SLC20A2: variants seen among roughly 807,000 people sequenced by gnomAD.
SLC20A2 encodes solute carrier family 20 member 2, also known as sodium-dependent phosphate transporter 2.
A neutral mutation model predicts 61.0 loss-of-function variants in SLC20A2; 30 were observed. The observed-to-expected ratio is 0.49, with a 90% CI of 0.37 to 0.67. SLC20A2 has a LOEUF of 0.67. Among genes scored for constraint, SLC20A2 ranks in the 30% least tolerant of loss-of-function variants. The pLI is 0.00. For synonymous variants in SLC20A2, 351 were observed against 353.3 expected, an observed-to-expected ratio of 0.99 and a Z score of 0.07; for missense variants, 626 against 866.4, an observed-to-expected ratio of 0.72 and a Z score of 3.48.
At chr8:42,489,563 G>A (rs544519167) in intron 1 of SLC20A2, among the ~76,000 whole-genome samples, 43 of 152,062 alleles carry the variant, frequency 2.8e-4, no homozygotes, top group South Asian at 2.1e-4. Flanking sequence ...CCACTTCCCA[G>A]AGGCCTGCAG....
rs902586407 is a variant in SLC20A2, at chr8:42,522,690, G to A, written c.-265+19131C>T. Among the ~76,000 whole-genome samples, 21 of 75,626 alleles carry A rather than the reference G, an allele frequency of 2.8e-4. 8 individuals are homozygous for A. Among genetic ancestry groups the A allele is most frequent in the Middle Eastern group, 7.9e-3 (1 of 126 alleles). The allele number at this position is 75,626 out of a possible 152,430, so 49.6% of individuals were successfully genotyped here. On this transcript the variant is annotated intron_variant, in intron 1 of 10. Transcript: ENST00000342228. ...AGCAGGACTCCATCTCAAAAAAAAAGGTATTATTGTAGCAAAAAGGTTTCT... is the reference window on the plus strand; with the variant it reads ...AGCAGGACTCCATCTCAAAAAAAAAAGTATTATTGTAGCAAAAAGGTTTCT...
chr8:42,448,148 C>T (rs1281031703), intron 5 of SLC20A2, among the ~76,000 whole-genome samples: 1 of 152,226 alleles, frequency 6.6e-6, no homozygotes, highest in Non-Finnish European at 1.5e-5. Flanking sequence ...ACGCCAACAC[C>T]GATCCCACGC....
intron 10 of SLC20A2, among the ~76,000 whole-genome samples, chr8:42,418,456 A>G (rs1421208593): frequency 6.6e-6 from 1 of 151,948 alleles, no homozygotes; most frequent in Non-Finnish European, 1.5e-5. Flanking sequence ...GTGCAATCTC[A>G]GCTCACTGCA....
chr8:42,540,267 G>A (rs1480442833), intron 1 of SLC20A2, among the ~76,000 whole-genome samples: 2 of 152,160 alleles, frequency 1.3e-5, no homozygotes, highest in Admixed American at 6.6e-5. Flanking sequence ...ACTCCAGCCT[G>A]AACGAGAGCA....
intron 1 of SLC20A2, among the ~76,000 whole-genome samples, chr8:42,481,040 C>G (rs997022540): frequency 6.6e-6 from 1 of 152,144 alleles, no homozygotes; most frequent in African/African-American, 2.4e-5. Flanking sequence ...CTTCCTTATC[C>G]TTCTCTTGAG....
At chr8:42,443,095 G>A (rs573564111) in intron 6 of SLC20A2, among the ~76,000 whole-genome samples, 38 of 149,102 alleles carry the variant, frequency 2.5e-4, no homozygotes, top group Non-Finnish European at 3.6e-4. Context: ...TTATTGCTTC[G>A]TTTTATTATA....
At chr8:42,460,924 T>C (rs145296803) in intron 4 of SLC20A2, among the ~76,000 whole-genome samples, 3 of 151,986 alleles carry the variant, frequency 2.0e-5, no homozygotes, top group Non-Finnish European at 4.4e-5. Flanking sequence ...AAAAGGAAAA[T>C]TAGGTCTAAA....
chr8:42,476,867 G>A (rs1808152878), intron 1 of SLC20A2, among the ~76,000 whole-genome samples: 1 of 152,190 alleles, frequency 6.6e-6, no homozygotes, highest in South Asian at 2.1e-4. Context: ...TGCAGTCGGG[G>A]ACTCTAGGTC....
intron 3 of SLC20A2, among the ~76,000 whole-genome samples, chr8:42,465,473 C>A (rs1474396334): frequency 5.3e-5 from 8 of 151,782 alleles, no homozygotes. Context: ...GCAGGCCGAT[C>A]ATGAGGTCAA....
At chr8:42,540,018 G>T (rs142254051) in intron 1 of SLC20A2, among the ~76,000 whole-genome samples, 1 of 152,176 alleles carries the variant, frequency 6.6e-6, no homozygotes, top group Non-Finnish European at 1.5e-5. Flanking sequence ...TTTGCCCGGC[G>T]CGGTGGCTCA....
chr8:42,492,526 A>G (rs774886552), intron 1 of SLC20A2, among the ~76,000 whole-genome samples: 5 of 152,232 alleles, frequency 3.3e-5, no homozygotes, highest in Admixed American at 6.5e-5. Flanking sequence ...CATTCCTTAT[A>G]TGGATGACAA....
intron 1 of SLC20A2, chr8:42,484,773 A>G (rs1213280838): frequency 8.9e-6 from 3 of 338,194 alleles, no homozygotes. Context: ...CCAGGCAGCT[A>G]AAGGCTGCTC....
At chr8:42,540,901 CA>C (rs1413971652) in intron 1 of SLC20A2, 1 of 152,186 alleles carries the variant, frequency 6.6e-6, no homozygotes, top group Non-Finnish European at 1.5e-5. Context: ...TAAAAATACC[CA>C]AAAGGGACTT....
At chr8:42,523,499 CTTAATT>C (rs1307787697) in intron 1 of SLC20A2, among the ~76,000 whole-genome samples, 1 of 152,104 alleles carries the variant, frequency 6.6e-6, no homozygotes, top group Non-Finnish European at 1.5e-5. Context: ...TAGTATCTCA[CTTAATT>C]TTAAAGATCA....
intron 1 of SLC20A2, among the ~76,000 whole-genome samples, chr8:42,520,595 G>A (rs1811584717): frequency 8.7e-6 from 1 of 115,480 alleles, no homozygotes; most frequent in Non-Finnish European, 2.1e-5. Flanking sequence ...GCGTGGTGGC[G>A]GGTGCCTGTA....
chr8:42,419,293 G>C (rs1802888949), intron 10 of SLC20A2, among the ~76,000 whole-genome samples: 1 of 152,094 alleles, frequency 6.6e-6, no homozygotes, highest in African/African-American at 2.4e-5. Context: ...TACCAGGCCG[G>C]GCATGGTGGC....
Position 42,527,103 on chromosome 8 carries a change from C to CAAAAA in SLC20A2, c.-265+14713_-265+14717dup, listed in dbSNP as rs754342907. On this transcript the variant is annotated intron_variant, in intron 1 of 10. Coordinates refer to the SLC20A2 transcript ENST00000342228. ...TGAGTAACAGAGTAAGAGCCTGTCT[C>CAAAAA]AAAAAAAAAAAAAAAAAGTGGGCCG... 2.6e-5 allele frequency among the ~76,000 whole-genome samples: 3 copies of CAAAAA among 114,552 alleles called. No homozygotes were observed. The East Asian group carries it at 7.8e-4, about 30-fold the overall frequency. The allele number at this position is 114,552 out of a possible 152,430, so 75.2% of individuals were successfully genotyped here. A position where few individuals can be genotyped will look rare whatever the true frequency, so the allele number is the denominator to read the frequency against.
chr8:42,438,713 C>A (rs1804537364), intron 7 of SLC20A2, among the ~76,000 whole-genome samples: 1 of 151,634 alleles, frequency 6.6e-6, no homozygotes, highest in African/African-American at 2.4e-5. Flanking sequence ...TGGATTTTTT[C>A]TTTTCTTTTC....
intron 2 of SLC20A2, 89 bp from the exon 3 acceptor site, chr8:42,466,006 A>G (rs1807131026): frequency 1.7e-6 from 2 of 1,167,428 alleles, no homozygotes; most frequent in South Asian, 3.4e-5. Flanking sequence ...CCATAACAAC[A>G]TCTCCCAGAG....
Sources: allele counts gnomAD v4.1 joint callset (sites outside exome capture counted in the v4.1 genomes callset), GRCh38; gene constraint gnomAD v4.1.1; transcripts MANE v1.5; gene names NCBI Gene and HGNC (gene_info 2026-07-23, HGNC 2026-07-21).